Variants in POLR3B observed in about 807,000 individuals in gnomAD.
POLR3B encodes the protein DNA-directed RNA polymerase III subunit RPC2.
In POLR3B, 96 loss-of-function variants were observed where a neutral mutation model predicts 147.4. The ratio of observed to expected loss-of-function variants is 0.65; its 90% confidence interval spans 0.55 to 0.77. The LOEUF (loss-of-function observed/expected upper bound fraction) is 0.77, where lower values mean the gene tolerates loss of function less well. Ranked by LOEUF, POLR3B falls within the 30% of genes least tolerant of loss-of-function variation. The probability of loss-of-function intolerance (pLI) is 0.00; values close to 1 mark genes in which losing one functional copy is unlikely to be tolerated. For synonymous variants in POLR3B, 461 were observed against 485.9 expected, an observed-to-expected ratio of 0.95 and a Z score of 0.67; for missense variants, 1,036 against 1,413.5, an observed-to-expected ratio of 0.73 and a Z score of 4.28.
intron 26 of POLR3B, among the ~76,000 whole-genome samples, chr12:106,502,091 G>A (rs1374930287): frequency 2.6e-5 from 4 of 152,158 alleles, no homozygotes; most frequent in African/African-American, 9.7e-5. Flanking sequence ...GTGGTTCTCA[G>A]CCAGGGATGA....
rs1203039497 is a variant in POLR3B at position 106,437,129 on chromosome 12, C to T, written c.1854C>T (p.Tyr618=). The change falls in exon 17 of 28, where the codon TAC becomes TAT. Residue 618 remains tyrosine (Y), a splice_region_variant and synonymous_variant. Coordinates refer to ENST00000228347, the MANE Select transcript of POLR3B (RefSeq NM_018082.6). ...NKHMEELAQG[Y]RNFEDFLHES... Reference sequence around the variant, plus strand: ...ATATGGAAGAGCTGGCCCAAGGGTACAGGTAAGTAGCCAAAAGTAAAACTT... The same window carrying T: ...ATATGGAAGAGCTGGCCCAAGGGTATAGGTAAGTAGCCAAAAGTAAAACTT... The T allele has an allele frequency of 6.2e-7, 1 of 1,609,404 alleles. No homozygotes were observed. The highest frequency in any genetic ancestry group is 8.5e-7 in the Non-Finnish European group (1 of 1,176,434).
rs551696972 is a variant in POLR3B, at chr12:106,434,478, A to G, written c.1781+606A>G. Among the ~76,000 whole-genome samples, 4 of 152,146 alleles carry G rather than the reference A, an allele frequency of 2.6e-5. No homozygotes were observed. The South Asian group carries it at 8.3e-4, about 32-fold the overall frequency. ...AAACATGGAGGCATGAAGAAATAAA[A>G]TAACACTAGATCCAATGGAAAAGTA... On this transcript the variant is annotated intron_variant, in intron 16 of 27. Coordinates refer to ENST00000228347, the MANE Select transcript of POLR3B (RefSeq NM_018082.6).
chr12:106,472,091 C>A (rs34495023), intron 23 of POLR3B, among the ~76,000 whole-genome samples: 30,226 of 125,826 alleles, frequency 0.24, 4,500 homozygotes, highest in East Asian at 0.68. Flanking sequence ...CAATTCCCAC[C>A]TATGAGTGAG....
intron 9 of POLR3B, among the ~76,000 whole-genome samples, chr12:106,386,673 C>T (rs188785933): frequency 3.8e-4 from 57 of 151,932 alleles, no homozygotes; most frequent in African/African-American, 9.7e-4. Flanking sequence ...TTTGGGAGGC[C>T]GAGGTGGGCG....
intron 10 of POLR3B, among the ~76,000 whole-genome samples, chr12:106,404,252 G>A (rs956180088): frequency 4.4e-4 from 67 of 151,880 alleles, no homozygotes; most frequent in Non-Finnish European, 7.7e-4. Flanking sequence ...CACGATGCCC[G>A]GCTAATCTTT....
chr12:106,446,928 C>T (rs1358395695), intron 19 of POLR3B, among the ~76,000 whole-genome samples: 1 of 152,102 alleles, frequency 6.6e-6, no homozygotes, highest in Non-Finnish European at 1.5e-5. Context: ...AAAAGGTCAG[C>T]AGAGGGAGAA....
In POLR3B at chr12:106,496,448, C is replaced by G; in HGVS notation, c.2817+290C>G. 1.0e-5 allele frequency: 6 copies of G among 600,828 alleles called. No individual in the cohort carries two copies. The South Asian group carries it at 1.0e-4, about 10-fold the overall frequency. 37.2% of individuals were successfully genotyped at this position (600,828 alleles called of 1,614,324 possible). The stretch of plus-strand genomic sequence containing the variant: ...CCTTGTCTTGAACCTAAATGGATCT[C>G]CCTTTCAGTGATTATTTTTAGTGAT... On this transcript the variant is annotated intron_variant, in intron 24 of 27. Coordinates refer to ENST00000228347, the MANE Select transcript of POLR3B (RefSeq NM_018082.6).
chr12:106,495,124 C>CT (rs1205684620), intron 23 of POLR3B, among the ~76,000 whole-genome samples: 2 of 152,254 alleles, frequency 1.3e-5, no homozygotes, highest in African/African-American at 4.8e-5. Context: ...TCCAATGACA[C>CT]TGTACAATTC....
chr12:106,496,217 TTTAG>T (rs771481720), intron 24 of POLR3B, 59 bp downstream of exon 24: 4 of 1,053,592 alleles, frequency 3.8e-6, no homozygotes, highest in Non-Finnish European at 6.0e-6. Flanking sequence ...AGGCAGTTAG[TTTAG>T]TTAGAGTGAG....
At chr12:106,444,730 G>A (rs1020455136) in intron 19 of POLR3B, 140 bp downstream of exon 19, 57 of 870,588 alleles carry the variant, frequency 6.5e-5, no homozygotes, top group Non-Finnish European at 9.1e-5. Flanking sequence ...CAAGCCCAGG[G>A]AGTTGCCTAT....
At chr12:106,489,568 C>A (rs930114554) in intron 23 of POLR3B, among the ~76,000 whole-genome samples, 1 of 152,068 alleles carries the variant, frequency 6.6e-6, no homozygotes, top group Non-Finnish European at 1.5e-5. Flanking sequence ...ATTAAAGAAT[C>A]TTTTTACAGT....
At chr12:106,409,828 C>G (rs919553451) in intron 11 of POLR3B, among the ~76,000 whole-genome samples, 2 of 151,952 alleles carry the variant, frequency 1.3e-5, no homozygotes, top group East Asian at 3.9e-4. Flanking sequence ...ATAAATACTC[C>G]TTGGAATTGG....
intron 23 of POLR3B, among the ~76,000 whole-genome samples, chr12:106,485,471 G>T (rs1438532511): frequency 1.3e-5 from 2 of 152,172 alleles, no homozygotes; most frequent in African/African-American, 4.8e-5. Context: ...GGCAAGGAAG[G>T]GGGCAGGGAG....
intron 10 of POLR3B, among the ~76,000 whole-genome samples, chr12:106,402,299 T>G (rs374275517): frequency 2.9e-4 from 44 of 152,038 alleles, no homozygotes; most frequent in African/African-American, 5.1e-4. Context: ...CACTGCTCAA[T>G]GAAATAAAAG....
At chr12:106,364,739 T>C (rs2036509659) in intron 2 of POLR3B, among the ~76,000 whole-genome samples, 1 of 152,238 alleles carries the variant, frequency 6.6e-6, no homozygotes, top group Non-Finnish European at 1.5e-5. Flanking sequence ...CAAAATGGGA[T>C]GTATCTGTGC....
At position 106,393,140 on chromosome 12, in the gene POLR3B, TCA is replaced by T; in HGVS notation, c.838_839del (p.Gln280AspfsTer44). 6.2e-7 allele frequency: 1 copy of T among 1,614,210 alleles called. No homozygotes were observed. Among genetic ancestry groups the T allele is most frequent in the East Asian group, 2.2e-5 (1 of 44,890 alleles). ...GAAGAGTGCCAGAAAGCTCAGATTTTCACACAGATGCAGGTGTGTCTTTTCAT... is the reference window on the plus strand; with the variant it reads ...GAAGAGTGCCAGAAAGCTCAGATTTTCACAGATGCAGGTGTGTCTTTTCAT... On this transcript the variant is annotated frameshift_variant, in exon 10 of 28. Coordinates refer to ENST00000228347, the MANE Select transcript of POLR3B (RefSeq NM_018082.6). LOFTEE classifies it high-confidence loss of function.
At chr12:106,397,985 GC>G (rs1168272960) in intron 10 of POLR3B, among the ~76,000 whole-genome samples, 3 of 152,258 alleles carry the variant, frequency 2.0e-5, no homozygotes, top group African/African-American at 7.2e-5. Context: ...ACTGGGGTGT[GC>G]CAGACAGTGG....
intron 19 of POLR3B, among the ~76,000 whole-genome samples, chr12:106,451,438 A>G (rs934001795): frequency 8.6e-5 from 13 of 151,932 alleles, no homozygotes; most frequent in African/African-American, 3.1e-4. Context: ...CCTGGCCAAC[A>G]TGGTGAAACC....
At chr12:106,398,427 A>C (rs2037012843) in intron 10 of POLR3B, among the ~76,000 whole-genome samples, 1 of 152,232 alleles carries the variant, frequency 6.6e-6, no homozygotes, top group Admixed American at 6.5e-5. Flanking sequence ...ACAAACAAAA[A>C]GACAGCAGTA....
Sources: allele counts gnomAD v4.1 joint callset (sites outside exome capture counted in the v4.1 genomes callset), GRCh38; gene constraint gnomAD v4.1.1; transcripts MANE v1.5; gene names NCBI Gene and HGNC (gene_info 2026-07-23, HGNC 2026-07-21).